USP15: variants seen among roughly 807,000 people sequenced by gnomAD.
The protein encoded by USP15 is ubiquitin specific peptidase 15, also known as ubiquitin carboxyl-terminal hydrolase 15.
A neutral mutation model predicts 127.1 loss-of-function variants in USP15; 18 were observed. The observed-to-expected ratio is 0.14, with a 90% CI of 0.10 to 0.21. The LOEUF (loss-of-function observed/expected upper bound fraction) is 0.21, where lower values mean the gene tolerates loss of function less well. Among genes scored for constraint, USP15 ranks in the 10% least tolerant of loss-of-function variants. The probability of loss-of-function intolerance (pLI) is 1.00; values close to 1 mark genes in which losing one functional copy is unlikely to be tolerated. For synonymous variants in USP15, 364 were observed against 393.7 expected (o/e 0.92, Z 0.89); for missense variants, 805 against 1,159.9 (o/e 0.69, Z 4.44).
chr12:62,335,256 A>T, intron 6 of USP15: 1 of 1,525,218 alleles, frequency 6.6e-7, no homozygotes, highest in Non-Finnish European at 8.7e-7. Flanking sequence ...TCATCCACAG[A>T]CTGACCAGTC....
intron 6 of USP15, among the ~76,000 whole-genome samples, chr12:62,332,045 T>C (rs2065319571): frequency 6.6e-6 from 1 of 151,900 alleles, no homozygotes; most frequent in African/African-American, 2.4e-5. Context: ...GCGCCTGTAG[T>C]CCCAGCTACT....
chr12:62,341,805 C>T (rs951902229), intron 6 of USP15, among the ~76,000 whole-genome samples: 4 of 152,174 alleles, frequency 2.6e-5, no homozygotes, highest in African/African-American at 9.7e-5. Context: ...TCTGGCTGCC[C>T]TTAACGTTGT....
intron 8 of USP15, among the ~76,000 whole-genome samples, chr12:62,378,299 A>T (rs539195665): frequency 6.6e-6 from 1 of 152,330 alleles, no homozygotes; most frequent in African/African-American, 2.4e-5. Context: ...GAAATATCGG[A>T]CATCATCTTA....
At chr12:62,392,968 T>C (rs965813272) in intron 18 of USP15, 85 bp from the exon 19 acceptor site, 1 of 1,490,796 alleles carries the variant, frequency 6.7e-7, no homozygotes, top group Non-Finnish European at 9.1e-7. Context: ...AATGTAGAAC[T>C]TTCCAAACAT....
At chr12:62,262,856 T>A (rs1446899531) in intron 1 of USP15, among the ~76,000 whole-genome samples, 1 of 152,164 alleles carries the variant, frequency 6.6e-6, no homozygotes, top group Non-Finnish European at 1.5e-5. Context: ...AAAAGTAAAC[T>A]GAGGGCCACA....
intron 18 of USP15, 87 bp downstream of exon 18, chr12:62,392,474 C>T (rs2067354851): frequency 2.1e-6 from 2 of 931,912 alleles, no homozygotes; most frequent in Middle Eastern, 3.2e-4. Context: ...AAAGTAATTA[C>T]TAAATTCTCT....
At chr12:62,347,541 C>T (rs1484150067) in intron 6 of USP15, among the ~76,000 whole-genome samples, 2 of 151,866 alleles carry the variant, frequency 1.3e-5, no homozygotes, top group African/African-American at 2.4e-5. Context: ...TTTATTATAA[C>T]TCAGTCTCTA....
chr12:62,312,129 T>G (rs2137240042), intron 3 of USP15, among the ~76,000 whole-genome samples: 1 of 151,978 alleles, frequency 6.6e-6, no homozygotes, highest in East Asian at 1.9e-4. Flanking sequence ...GTCTAATTTA[T>G]CTGCACCAAA....
At chr12:62,358,645 G>A (rs1159632307) in intron 8 of USP15, among the ~76,000 whole-genome samples, 1 of 152,100 alleles carries the variant, frequency 6.6e-6, no homozygotes, top group African/African-American at 2.4e-5. Context: ...GAACCCGGGA[G>A]GCAGAGGTTG....
At chr12:62,314,234 G>A (rs2064763504) in intron 3 of USP15, among the ~76,000 whole-genome samples, 1 of 151,826 alleles carries the variant, frequency 6.6e-6, no homozygotes. Flanking sequence ...GGATATTTTG[G>A]CAACAGTGAT....
intron 6 of USP15, among the ~76,000 whole-genome samples, chr12:62,345,510 A>G (rs1229761075): frequency 2.0e-5 from 3 of 152,182 alleles, no homozygotes; most frequent in Non-Finnish European, 4.4e-5. Flanking sequence ...GGAAGTTCCA[A>G]ACTTTCCCAC....
intron 8 of USP15, 24 bp from the exon 9 acceptor site, chr12:62,381,466 G>T: frequency 1.3e-6 from 2 of 1,552,552 alleles, no homozygotes; most frequent in South Asian, 1.2e-5. Context: ...ACTTTTACTT[G>T]AAAATATATT....
At chr12:62,400,625 A>G (rs1163067206) in intron 20 of USP15, among the ~76,000 whole-genome samples, 1 of 151,972 alleles carries the variant, frequency 6.6e-6, no homozygotes, top group Admixed American at 6.6e-5. Context: ...AAAAAAAAAA[A>G]AAACACTATA....
chr12:62,381,457 C>A, intron 8 of USP15, 33 bp from the exon 9 acceptor site: 3 of 1,535,266 alleles, frequency 2.0e-6, no homozygotes, highest in Non-Finnish European at 2.6e-6. Flanking sequence ...ATTATGATTA[C>A]TTTTACTTGA....
At chr12:62,315,271 CTTAGT>C (rs2064800612) in intron 4 of USP15, among the ~76,000 whole-genome samples, 1 of 151,750 alleles carries the variant, frequency 6.6e-6, no homozygotes. Flanking sequence ...CCTTTTTTCT[CTTAGT>C]TTATTCTTTG....
intron 8 of USP15, among the ~76,000 whole-genome samples, chr12:62,378,589 T>C (rs2066902093): frequency 6.6e-6 from 1 of 152,190 alleles, no homozygotes; most frequent in South Asian, 2.1e-4. Context: ...GAAACCAGCA[T>C]GTATCACTGT....
At chr12:62,365,657 G>A (rs1333735376) in intron 8 of USP15, among the ~76,000 whole-genome samples, 1 of 152,106 alleles carries the variant, frequency 6.6e-6, no homozygotes, top group East Asian at 1.9e-4. Context: ...TATTGCCTAG[G>A]TTTTCTTCTA....
At chr12:62,328,739 G>A (rs1164289783) in intron 6 of USP15, among the ~76,000 whole-genome samples, 1 of 152,094 alleles carries the variant, frequency 6.6e-6, no homozygotes, top group African/African-American at 2.4e-5. Context: ...TTGACAGAAA[G>A]AGGAAGGAAG....
intron 1 of USP15, among the ~76,000 whole-genome samples, chr12:62,268,762 A>G (rs938806326): frequency 1.3e-5 from 2 of 152,108 alleles, no homozygotes; most frequent in African/African-American, 4.8e-5. Context: ...TTGTGATGCT[A>G]TTCACATACC....
Sources: gnomAD v4.1 joint callset for allele counts (sites outside exome capture counted in the v4.1 genomes callset) on GRCh38, gnomAD v4.1.1 for gene constraint, MANE v1.5 for transcripts, NCBI Gene and HGNC (gene_info 2026-07-23, HGNC 2026-07-21) for gene names.